MRPL1: variants seen among roughly 807,000 people sequenced by gnomAD.
MRPL1 encodes the protein mitochondrial ribosomal protein L1.
MRPL1 carries 28 observed loss-of-function variants against 38.0 expected under a neutral mutation model. The ratio of observed to expected loss-of-function variants is 0.74; its 90% CI spans 0.55 to 1.01. The LOEUF is 1.01. Among genes scored for constraint, MRPL1 ranks in the 50% least tolerant of loss-of-function variants. The pLI is 0.00. For synonymous variants in MRPL1, 123 were observed against 126.7 expected (o/e 0.97, Z 0.20); for missense variants, 358 against 389.8 (o/e 0.92, Z 0.69).
chr4:77,881,382 C>G (rs1205538679), intron 2 of MRPL1, among the ~76,000 whole-genome samples: 1 of 151,714 alleles, frequency 6.6e-6, no homozygotes, highest in African/African-American at 2.4e-5. Flanking sequence ...GTCACCCAAG[C>G]TAGATACCTA....
chr4:77,939,282 C>T (rs1393871807), intron 7 of MRPL1, among the ~76,000 whole-genome samples: 8 of 152,146 alleles, frequency 5.3e-5, no homozygotes, highest in Admixed American at 5.2e-4. Context: ...GTGCATTTCC[C>T]TGATCATTAG....
At chr4:77,944,774 C>G (rs1374430793) in intron 7 of MRPL1, among the ~76,000 whole-genome samples, 3 of 152,070 alleles carry the variant, frequency 2.0e-5, no homozygotes, top group Non-Finnish European at 4.4e-5. Context: ...CCCTTTTTCT[C>G]CCCTTAGTAT....
intron 6 of MRPL1, among the ~76,000 whole-genome samples, chr4:77,897,364 C>A (rs1038809981): frequency 6.6e-5 from 10 of 151,706 alleles, no homozygotes; most frequent in African/African-American, 2.4e-4. Context: ...AACCACTGTG[C>A]CCAGCCAAAA....
At chr4:77,902,683 A>G (rs980482528) in intron 6 of MRPL1, among the ~76,000 whole-genome samples, 6 of 152,132 alleles carry the variant, frequency 3.9e-5, no homozygotes, top group African/African-American at 1.4e-4. Context: ...AAGCGGTGAC[A>G]TGAATACATA....
intron 7 of MRPL1, 74 bp from the exon 8 acceptor site, chr4:77,949,723 G>A (rs1737363156): frequency 1.9e-6 from 2 of 1,072,204 alleles, no homozygotes; most frequent in Admixed American, 4.1e-5. Flanking sequence ...TTGACTATTT[G>A]AAAAATAGTC....
chr4:77,930,338 C>T (rs1736815931), intron 7 of MRPL1, among the ~76,000 whole-genome samples: 1 of 152,148 alleles, frequency 6.6e-6, no homozygotes, highest in African/African-American at 2.4e-5. Flanking sequence ...GGGGAGCAAG[C>T]AAAGCTCCAT....
At chr4:77,906,427 G>C (rs1007550456) in intron 6 of MRPL1, among the ~76,000 whole-genome samples, 5 of 152,094 alleles carry the variant, frequency 3.3e-5, no homozygotes, top group Admixed American at 2.0e-4. Context: ...CAACATAGGA[G>C]ACTTGTTTAT....
intron 1 of MRPL1, among the ~76,000 whole-genome samples, chr4:77,863,728 A>G (rs765324428): frequency 2.0e-5 from 3 of 152,062 alleles, no homozygotes; most frequent in African/African-American, 4.8e-5. Flanking sequence ...CGGCCTCTCA[A>G]AGTGCTGGGA....
intron 6 of MRPL1, among the ~76,000 whole-genome samples, chr4:77,907,651 GC>G (rs948209078): frequency 2.0e-5 from 3 of 150,920 alleles, no homozygotes; most frequent in African/African-American, 4.9e-5. Context: ...TGCAACCTCC[GC>G]CTCCTGGGTT....
chr4:77,916,671 TTC>T (rs1481695939), intron 7 of MRPL1, among the ~76,000 whole-genome samples: 3 of 152,196 alleles, frequency 2.0e-5, no homozygotes, highest in African/African-American at 7.2e-5. Flanking sequence ...ATCTGCCACA[TTC>T]TTTTTAAGGC....
At chr4:77,929,715 G>A (rs1736802150) in intron 7 of MRPL1, among the ~76,000 whole-genome samples, 1 of 151,704 alleles carries the variant, frequency 6.6e-6, no homozygotes, top group Admixed American at 6.6e-5. Flanking sequence ...CAATGGCTCC[G>A]TGGCCTGTTT....
intron 8 of MRPL1, 49 bp from the exon 9 acceptor site, chr4:77,952,440 G>A (rs777518395): frequency 8.4e-5 from 104 of 1,239,946 alleles, no homozygotes; most frequent in Middle Eastern, 1.9e-4. Flanking sequence ...TGCTCATGAG[G>A]TGGTATTGCG....
At chr4:77,926,408 TAAG>T (rs898144102) in intron 7 of MRPL1, among the ~76,000 whole-genome samples, 17 of 152,178 alleles carry the variant, frequency 1.1e-4, no homozygotes, top group Non-Finnish European at 1.8e-4. Flanking sequence ...AGGCAGGAGA[TAAG>T]AAGAGGTTTA....
At chr4:77,878,352 A>G (rs1038273768) in intron 2 of MRPL1, among the ~76,000 whole-genome samples, 2 of 152,226 alleles carry the variant, frequency 1.3e-5, no homozygotes, top group African/African-American at 2.4e-5. Context: ...TCTTTATGTG[A>G]TTACACTAAG....
At chr4:77,870,286 G>A (rs769125887) in intron 1 of MRPL1, among the ~76,000 whole-genome samples, 19 of 152,282 alleles carry the variant, frequency 1.2e-4, no homozygotes, top group Admixed American at 5.2e-4. Flanking sequence ...GATCTTCCAA[G>A]GTTGTTAGGT....
At chr4:77,915,896 C>G (rs1736413602) in intron 7 of MRPL1, among the ~76,000 whole-genome samples, 1 of 152,150 alleles carries the variant, frequency 6.6e-6, no homozygotes. Flanking sequence ...AGTTATATTG[C>G]TATCACATAG....
intron 1 of MRPL1, among the ~76,000 whole-genome samples, chr4:77,870,252 TC>T (rs1735249749): frequency 6.6e-6 from 1 of 152,206 alleles, no homozygotes; most frequent in African/African-American, 2.4e-5. Flanking sequence ...TTTGTTTGTT[TC>T]CCCAAGAGAA....
At chr4:77,899,723 G>A (rs529450027) in intron 6 of MRPL1, among the ~76,000 whole-genome samples, 1 of 152,216 alleles carries the variant, frequency 6.6e-6, no homozygotes, top group Admixed American at 6.5e-5. Flanking sequence ...TATAGTATAG[G>A]TTATGTTCAT....
intron 2 of MRPL1, among the ~76,000 whole-genome samples, chr4:77,880,644 G>A (rs1202521418): frequency 6.6e-6 from 1 of 152,058 alleles, no homozygotes. Flanking sequence ...AACTTTTATG[G>A]TTAGAAGAGT....
Sources: gnomAD v4.1 joint callset for allele counts (sites outside exome capture counted in the v4.1 genomes callset) on GRCh38, gnomAD v4.1.1 for gene constraint, MANE v1.5 for transcripts, NCBI Gene and HGNC (gene_info 2026-07-23, HGNC 2026-07-21) for gene names.